BLM: variants seen among roughly 807,000 people sequenced by gnomAD.
BLM encodes BLM RecQ like helicase, also known as recQ-like DNA helicase BLM.
A neutral mutation model predicts 135.3 loss-of-function variants in BLM; 95 were observed. The observed-to-expected ratio is 0.70, with a 90% CI of 0.59 to 0.83. BLM has a LOEUF of 0.83. BLM is among the 40% of genes least tolerant of loss of function. BLM has a pLI of 0.00. For synonymous variants in BLM, 520 were observed against 589.2 expected (o/e 0.88, Z 1.70); for missense variants, 1,518 against 1,663.9 (o/e 0.91, Z 1.53).
intron 12 of BLM, among the ~76,000 whole-genome samples, chr15:90,770,970 G>A (rs1022417094): frequency 1.3e-5 from 2 of 152,096 alleles, no homozygotes; most frequent in Non-Finnish European, 2.9e-5. Context: ...AAGTTGTTTG[G>A]TTCCAGCCTA....
At chr15:90,753,136 G>A (rs892155651) in intron 4 of BLM, among the ~76,000 whole-genome samples, 1 of 152,254 alleles carries the variant, frequency 6.6e-6, no homozygotes, top group Non-Finnish European at 1.5e-5. Context: ...TCAGGAGGCT[G>A]AGGCAGGAGG....
Position 90,809,169 on chromosome 15 carries a change from C to T in BLM, c.3784C>T (p.Gln1262Ter). 6.2e-7 allele frequency: 1 copy of T among 1,614,104 alleles called. No homozygotes were observed. Among genetic ancestry groups the T allele is most frequent in the Non-Finnish European group, 8.5e-7 (1 of 1,179,996 alleles). The change falls in exon 20 of 22, where the codon CAA becomes TAA. Residue 1262 changes from glutamine to a stop codon, truncating the protein, a stop_gained. Transcript: ENST00000355112. LOFTEE classifies it high-confidence loss of function. ...ATCTTCTGATCCTGAGGTTTTGCTT[C>T]AAATTGATGGTGTTACTGAAGACAA... Reference protein sequence around the residue: ...SLSSDPEVLLQIDGVTEDKLE... With the variant: ...SLSSDPEVLL
At chr15:90,772,864 A>G (rs182148374) in intron 12 of BLM, among the ~76,000 whole-genome samples, 171 of 152,136 alleles carry the variant, frequency 1.1e-3, no homozygotes, top group Admixed American at 2.2e-3. Flanking sequence ...TTGGGAGGCC[A>G]AGGTGGGCGG....
At chr15:90,727,710 T>C (rs915535080) in intron 1 of BLM, among the ~76,000 whole-genome samples, 1 of 152,138 alleles carries the variant, frequency 6.6e-6, no homozygotes, top group African/African-American at 2.4e-5. Flanking sequence ...TTAGAGAGCA[T>C]TGGAAGCCTG....
intron 16 of BLM, among the ~76,000 whole-genome samples, chr15:90,796,236 A>G (rs941331696): frequency 5.9e-5 from 9 of 152,222 alleles, no homozygotes; most frequent in Admixed American, 5.2e-4. Flanking sequence ...GGAATCTAAT[A>G]TTGAATTACA....
intron 14 of BLM, among the ~76,000 whole-genome samples, chr15:90,788,474 T>G (rs1262892058): frequency 1.1e-4 from 11 of 96,334 alleles, no homozygotes; most frequent in Non-Finnish European, 1.9e-4. Context: ...GTGTTTTGTT[T>G]TTTTTTTTTT....
rs575410334 is a variant in BLM at position 90,762,953 on chromosome 15, A to G, written c.1883-13A>G. ...CATGTACTGATTTTTCTTAACGTTG[A>G]TTATTTTCCTAGACAAGTCAGCACA... On this transcript the variant is annotated splice_polypyrimidine_tract_variant and intron_variant, in intron 7 of 21. Transcript: ENST00000355112. The G allele has an allele frequency of 1.7e-5, 28 of 1,611,054 alleles. No homozygotes were observed. In the South Asian group the frequency reaches 3.0e-4, roughly 17 times the overall value.
At position 90,769,182 on chromosome 15, in the gene BLM, G is replaced by A. The variant is rs369065966; in HGVS notation, c.2357G>A (p.Arg786Lys). ...LISTLENLYE[R>K]KLLARFVIDE... ...TCTACTCTGGAGAATCTCTATGAGA[G>A]GAAGCTCTTGGCACGTTTTGTTATT... The change falls in exon 11 of 22, where the codon AGG becomes AAG. Residue 786 changes from arginine to lysine, a missense_variant. Physicochemically the swap from Arg to Lys is conservative, Grantham distance 26. This residue lies in a region of BLM where 626 missense variants were observed against 681.1 expected (regional missense o/e 0.92). Coordinates refer to ENST00000355112, the MANE Select transcript of BLM (RefSeq NM_000057.4). 1.1e-5 allele frequency: 18 copies of A among 1,613,992 alleles called. No individual in the cohort carries two copies. Among genetic ancestry groups the A allele is most frequent in the Non-Finnish European group, 1.5e-5 (18 of 1,179,830 alleles).
chr15:90,791,326 G>T (rs1896900729), intron 15 of BLM, among the ~76,000 whole-genome samples: 1 of 152,006 alleles, frequency 6.6e-6, no homozygotes, highest in Non-Finnish European at 1.5e-5. Context: ...CCCATTAGAG[G>T]CAGGCAAATA....
chr15:90,724,565 T>A (rs1243961206), intron 1 of BLM, among the ~76,000 whole-genome samples: 2 of 152,194 alleles, frequency 1.3e-5, no homozygotes, highest in Admixed American at 1.3e-4. Context: ...TCCACCCGCA[T>A]TCCAGACCCC....
At position 90,760,866 on chromosome 15, in the gene BLM, A is replaced by G. The variant is rs749164590; in HGVS notation, c.1493A>G (p.Lys498Arg). The change falls in exon 7 of 22, where the codon AAG (lysine) becomes AGG (arginine). Residue 498 changes from lysine to arginine, a missense_variant. By Grantham distance (26) the Lys-to-Arg change is conservative (BLOSUM62 2). Transcript: ENST00000355112. ...CCTTTATTCAATACCCATTTACAGA[A>G]GTCCTTTGTAAGTAGCAACTGGGCT... The part of the protein sequence containing the change: ...ERPLFNTHLQ[K>R]SFVSSNWAET... 6.2e-7 allele frequency: 1 copy of G among 1,614,096 alleles called. No individual in the cohort carries two copies. Among genetic ancestry groups the G allele is most frequent in the Non-Finnish European group, 8.5e-7 (1 of 1,180,038 alleles).
At chr15:90,808,938 G>C in intron 19 of BLM, 199 bp from the exon 20 acceptor site, 1 of 676,994 alleles carries the variant, frequency 1.5e-6, no homozygotes, top group Non-Finnish European at 2.5e-6. Flanking sequence ...GCTGGAATTG[G>C]ATGGTGGGTT....
intron 12 of BLM, among the ~76,000 whole-genome samples, chr15:90,773,142 G>A (rs1266320093): frequency 2.8e-5 from 4 of 145,122 alleles, no homozygotes; most frequent in South Asian, 2.2e-4. Flanking sequence ...GACAGCAGCC[G>A]AGCGCAGTGG....
chr15:90,722,023 G>A (rs898054590), intron 1 of BLM, among the ~76,000 whole-genome samples: 3 of 152,030 alleles, frequency 2.0e-5, no homozygotes, highest in Non-Finnish European at 2.9e-5. Flanking sequence ...AGTGGCTCAC[G>A]CCTGTAATCC....
At chr15:90,718,083 C>T (rs1014969698) in intron 1 of BLM, among the ~76,000 whole-genome samples, 1 of 152,182 alleles carries the variant, frequency 6.6e-6, no homozygotes, top group South Asian at 2.1e-4. Context: ...GAAATGGTCT[C>T]TTCTACTTCC....
At chr15:90,789,046 T>C (rs917660637) in intron 14 of BLM, among the ~76,000 whole-genome samples, 1 of 99,960 alleles carries the variant, frequency 1.0e-5, no homozygotes, top group Admixed American at 9.3e-5. Context: ...AATGGAGATA[T>C]ATATATATAT....
At chr15:90,768,090 G>A (rs1469328462) in intron 10 of BLM, among the ~76,000 whole-genome samples, 1 of 151,644 alleles carries the variant, frequency 6.6e-6, no homozygotes, top group Admixed American at 6.6e-5. Context: ...ATACAGGTGT[G>A]TGCCATGATA....
At chr15:90,747,237 C>CAAAAAAAAAAA (rs59331923) in intron 1 of BLM, among the ~76,000 whole-genome samples, 152 bp from the exon 2 acceptor site, 2 of 39,254 alleles carry the variant, frequency 5.1e-5, no homozygotes, top group African/African-American at 1.9e-4. Context: ...GTCTATTGAC[C>CAAAAAAAAAAA]AAAAAAAAAA....
rs41560614 is a variant in BLM at position 90,811,747 on chromosome 15, T to G, written c.4076+341T>G. Among the ~76,000 whole-genome samples, 954 of 152,278 alleles carry G rather than the reference T, an allele frequency of 6.3e-3. 11 individuals carry two copies. The highest frequency in any genetic ancestry group is 0.022 in the African/African-American group (901 of 41,552). Reference sequence around the variant, plus strand: ...ATCTCGGCTCACTGCAACCTCTGCCTCCTGTACTCAAGTGATCCTCCCACC... The same window carrying G: ...ATCTCGGCTCACTGCAACCTCTGCCGCCTGTACTCAAGTGATCCTCCCACC... On this transcript the variant is annotated intron_variant, in intron 21 of 21. Transcript: ENST00000355112.
Sources: gnomAD v4.1 joint callset for allele counts (sites outside exome capture counted in the v4.1 genomes callset) on GRCh38, gnomAD v4.1.1 for gene constraint, gnomAD v4.1.1 regional missense constraint, MANE v1.5 for transcripts, NCBI Gene and HGNC (gene_info 2026-07-23, HGNC 2026-07-21) for gene names.